The following LHX9 variants were observed in gnomAD, a reference collection of about 807,000 sequenced individuals.
The protein encoded by LHX9 is LIM homeobox 9.
LHX9 carries 9 observed loss-of-function variants against 36.5 expected under a neutral mutation model. The ratio of observed to expected loss-of-function variants is 0.25; its 90% confidence interval spans 0.15 to 0.43. LHX9 has a LOEUF of 0.43. LHX9 is among the 20% of genes least tolerant of loss of function. The probability of loss-of-function intolerance (pLI) is 1.00; values close to 1 mark genes in which losing one functional copy is unlikely to be tolerated. For missense variants in LHX9, 464 were observed against 526.4 expected, an observed-to-expected ratio of 0.88 and a Z score of 1.16; for synonymous variants, 211 against 212.1, an observed-to-expected ratio of 0.99 and a Z score of 0.04.
rs193100591 is a variant in LHX9, at chr1:197,917,667, C to T, written c.-157C>T. On this transcript the variant is annotated 5_prime_UTR_variant, in exon 1 of 5. Transcript: ENST00000367387. ...CCAGTTCTTTTTGCTTCCCCTCGGCCCCCCAAGCAGACCGATTTCCACTCC... is the reference window on the plus strand; with the variant it reads ...CCAGTTCTTTTTGCTTCCCCTCGGCTCCCCAAGCAGACCGATTTCCACTCC... 11 of 1,548,226 alleles carry T rather than the reference C, an allele frequency of 7.1e-6. No homozygotes were observed. The Admixed American group carries it at 1.8e-4, about 25-fold the overall frequency.
At chr1:197,915,235 A>G (rs1461211583), upstream of LHX9, among the ~76,000 whole-genome samples, 1 of 152,198 alleles carries the variant, frequency 6.6e-6, no homozygotes, top group East Asian at 1.9e-4. Context: ...TCCTGTATTT[A>G]CTTTTTGCTT....
At chr1:197,918,261 G>C (rs1372584074) in intron 1 of LHX9, 2 of 716,208 alleles carry the variant, frequency 2.8e-6, no homozygotes, top group Non-Finnish European at 5.2e-6. Flanking sequence ...AGGTGGGATG[G>C]GGGGTGGTGG....
chr1:197,932,990 A>G lies in LHX9; in HGVS notation c.*3731A>G, dbSNP rs1660365382. 1 of 152,054 alleles carries G rather than the reference A, an allele frequency of 6.6e-6. No individual in the cohort carries two copies. The highest frequency in any genetic ancestry group is 2.1e-4 in the South Asian group (1 of 4,826). 9.4% of individuals were successfully genotyped at this position (152,054 alleles called of 1,614,324 possible). A position where few individuals can be genotyped will look rare whatever the true frequency, so the allele number is the denominator to read the frequency against. ...TATATTCTGAACTATAAAAAGATCCAATCTTTGCATAGTTCAATTACATAT... is the reference window on the plus strand; with the variant it reads ...TATATTCTGAACTATAAAAAGATCCGATCTTTGCATAGTTCAATTACATAT... On this transcript the variant is annotated 3_prime_UTR_variant, in exon 5 of 5. Transcript: ENST00000367387.
intron 1 of LHX9, among the ~76,000 whole-genome samples, chr1:197,919,539 TA>T (rs1659898844): frequency 6.6e-6 from 1 of 152,244 alleles, no homozygotes; most frequent in African/African-American, 2.4e-5. Context: ...CGAACTGTAA[TA>T]TTTTTTGTTT....
intron 1 of LHX9, chr1:197,918,566 A>T: frequency 1.7e-6 from 1 of 585,690 alleles, no homozygotes; most frequent in South Asian, 2.2e-5. Flanking sequence ...CCCTCTAAGG[A>T]GACAGCACTA....
At chr1:197,925,844 C>T (rs1362097112) in intron 3 of LHX9, among the ~76,000 whole-genome samples, 3 of 152,148 alleles carry the variant, frequency 2.0e-5, no homozygotes, top group Admixed American at 2.0e-4. Flanking sequence ...CATTAATACT[C>T]ACTTGTAATT....
chr1:197,912,523 C>T (rs751406287), upstream of LHX9: 22 of 1,614,058 alleles, frequency 1.4e-5, no homozygotes, highest in Non-Finnish European at 1.9e-5. Flanking sequence ...CACTCCTTTT[C>T]CTCTAAGAAT....
At chr1:197,924,177 AAAAAT>A (rs1231853926) in intron 3 of LHX9, among the ~76,000 whole-genome samples, 1 of 152,246 alleles carries the variant, frequency 6.6e-6, no homozygotes, top group Non-Finnish European at 1.5e-5. Flanking sequence ...TAAAATGTAA[AAAAAT>A]AAAATAAATC....
Position 197,921,182 on chromosome 1 carries a change from G to A in LHX9, c.378-122G>A. 1 of 670,510 alleles carries A rather than the reference G, an allele frequency of 1.5e-6. No individual in the cohort carries two copies. The highest frequency in any genetic ancestry group is 2.5e-6 in the Non-Finnish European group (1 of 400,400). The allele number at this position is 670,510 out of a possible 1,614,324, so 41.5% of individuals were successfully genotyped here. On this transcript the variant is annotated intron_variant, in intron 2 of 4. Coordinates refer to ENST00000367387, the MANE Select transcript of LHX9 (RefSeq NM_020204.3). The surrounding 1 kb of genome is among the most constrained non-coding windows in gnomAD (Gnocchi z 4.6). ...AAATAAAATTAATGCCTACTCTCCT[G>A]TCCCCCTGGAACCCTCCCAGGTCCC... is the stretch of plus-strand genomic sequence containing the variant.
Position 197,930,217 on chromosome 1 carries a change from A to T in LHX9, c.*958A>T. The T allele has an allele frequency of 3.8e-6, 1 of 264,544 alleles. No individual in the cohort carries two copies. Among genetic ancestry groups the T allele is most frequent in the Non-Finnish European group, 5.8e-6 (1 of 171,244 alleles). The allele number at this position is 264,544 out of a possible 1,614,324, so 16.4% of individuals were successfully genotyped here. A position where few individuals can be genotyped will look rare whatever the true frequency, so the allele number is the denominator to read the frequency against. On this transcript the variant is annotated 3_prime_UTR_variant, in exon 5 of 5. Coordinates refer to ENST00000367387, the MANE Select transcript of LHX9 (RefSeq NM_020204.3). ...CTGGCATTCTATATGAATAATGTTT[A>T]AAATACCCAGCCTGGTAGACTTATA...
At chr1:197,923,294 A>G (rs547351752) in intron 3 of LHX9, among the ~76,000 whole-genome samples, 15 of 152,290 alleles carry the variant, frequency 9.8e-5, no homozygotes, top group African/African-American at 3.6e-4. Flanking sequence ...GGTTTTGGCA[A>G]CCCTCAGTAG....
At position 197,931,692 on chromosome 1, in the gene LHX9, T is replaced by C. The variant is rs1176339872; in HGVS notation, c.*2433T>C. ...TAGAAATACCTTTGAATATATTTGC[T>C]TATAACAAAAGTAATGCCCCACTGA... On this transcript the variant is annotated 3_prime_UTR_variant, in exon 5 of 5. Coordinates refer to ENST00000367387, the MANE Select transcript of LHX9 (RefSeq NM_020204.3). The C allele has an allele frequency of 2.4e-6, 1 of 423,576 alleles. No homozygotes were observed. The highest frequency in any genetic ancestry group is 3.3e-5 in the East Asian group (1 of 29,858). 26.2% of individuals were successfully genotyped at this position (423,576 alleles called of 1,614,324 possible).
At chr1:197,928,851 TAAGA>T in intron 4 of LHX9, 147 bp from the exon 5 acceptor site, 1 of 905,054 alleles carries the variant, frequency 1.1e-6, no homozygotes. Flanking sequence ...CCTTTCCTCC[TAAGA>T]AAGACAAACA....
chr1:197,912,634 CGT>C, upstream of LHX9: 2 of 1,417,148 alleles, frequency 1.4e-6, no homozygotes, highest in Non-Finnish European at 2.0e-6. Context: ...AGTGTGTGTG[CGT>C]GTGTGTGCGC....
At position 197,920,109 on chromosome 1, in the gene LHX9, C is replaced by T. The variant is rs778636709; in HGVS notation, c.312C>T (p.Ala104=). 3.1e-6 allele frequency: 5 copies of T among 1,614,216 alleles called. No individual in the cohort carries two copies. Among genetic ancestry groups the T allele is most frequent in the Middle Eastern group, 1.6e-4 (1 of 6,062 alleles). Residue 104 remains alanine, a synonymous_variant, in exon 2 of 5, where the codon GCC becomes GCT. Transcript: ENST00000367387. ...TGAAGTGCTGTGAATGTAAGCTGGC[C>T]CTCGAGTCCGAGCTCACCTGCTTTG... ...RCLKCCECKL[A]LESELTCFAK...
intron 3 of LHX9, among the ~76,000 whole-genome samples, chr1:197,924,216 C>T (rs1347183358): frequency 6.6e-6 from 1 of 152,168 alleles, no homozygotes; most frequent in Non-Finnish European, 1.5e-5. Context: ...TTATTTTAGC[C>T]TTCTTTGGAT....
At chr1:197,914,004 G>C (rs1659683355), upstream of LHX9, among the ~76,000 whole-genome samples, 1 of 152,156 alleles carries the variant, frequency 6.6e-6, no homozygotes, top group African/African-American at 2.4e-5. Flanking sequence ...AGACCCACCT[G>C]AGCCGGCGAC....
At chr1:197,924,282 A>G (rs1176401839) in intron 3 of LHX9, among the ~76,000 whole-genome samples, 1 of 152,250 alleles carries the variant, frequency 6.6e-6, no homozygotes, top group African/African-American at 2.4e-5. Flanking sequence ...AGTCTCATAA[A>G]GGGTAAGGTT....
At position 197,921,307 on chromosome 1, in the gene LHX9, G is replaced by T. The variant is rs1659977089; in HGVS notation, c.381G>T (p.Arg127Ser). The T allele has an allele frequency of 1.2e-6, 2 of 1,610,246 alleles. No individual in the cohort carries two copies. Among genetic ancestry groups the T allele is most frequent in the East Asian group, 2.2e-5 (1 of 44,784 alleles). The change falls in exon 3 of 5, where the codon AGG (arginine) becomes AGT (serine). Residue 127 changes from arginine to serine, a missense_variant. Physicochemically the swap from Arg to Ser is moderately radical, Grantham distance 110 (BLOSUM62 -1). This residue lies in a region of LHX9 where 93 missense variants were observed against 150.3 expected (regional missense o/e 0.62). Transcript: ENST00000367387. This position sits in a 1 kb window ranked among gnomAD's most constrained non-coding sequence, Gnocchi z 4.6. Reference sequence around the variant, plus strand: ...TGACTCAACTCTTTCCTTCCAGAAGGTTCTCTGTGCAGAGATGTGCCCGCT... The same window carrying T: ...TGACTCAACTCTTTCCTTCCAGAAGTTTCTCTGTGCAGAGATGTGCCCGCT... ...SIYCKEDYYR[R>S]FSVQRCARCH...
Sources: gnomAD v4.1 joint callset for allele counts (sites outside exome capture counted in the v4.1 genomes callset) on GRCh38, gnomAD v4.1.1 for gene constraint, gnomAD v4.1.1 regional missense constraint, Gnocchi (gnomAD v3.1) non-coding constraint, MANE v1.5 for transcripts, NCBI Gene and HGNC (gene_info 2026-07-23, HGNC 2026-07-21) for gene names.